Variants in MRGPRX1 observed in about 807,000 individuals in gnomAD.
MRGPRX1 encodes MAS related GPR family member X1, also known as mas-related G protein-coupled receptor member X1.
For synonymous variants in MRGPRX1, 208 were observed against 170.4 expected (o/e 1.22, Z -1.72); for missense variants, 411 against 393.8 (o/e 1.04, Z -0.37).
chr11:18,938,235 T>C (rs1262568981), intron 1 of MRGPRX1, among the ~76,000 whole-genome samples: 1 of 151,482 alleles, frequency 6.6e-6, no homozygotes, highest in East Asian at 1.9e-4. Context: ...AAGAAATACC[T>C]GAGACTGGGA....
chr11:18,935,613 A>T (rs1737212619), intron 1 of MRGPRX1, among the ~76,000 whole-genome samples: 1 of 151,448 alleles, frequency 6.6e-6, no homozygotes, highest in South Asian at 2.1e-4. Context: ...TGCCTTTAAA[A>T]TAAGGACTCA....
rs1000605735 is a variant in MRGPRX1, at chr11:18,934,657, G to A, written c.128C>T (p.Thr43Ile). Residue 43 changes from threonine (T) to isoleucine (I), a missense_variant, in exon 2 of 2, where the codon ACA (threonine) becomes ATA (isoleucine). Transcript: ENST00000526914. ...GAGCCAGAGCACAACTGCGTTTCCT[G>A]TCAGCCCGACAAGGGAAACGATGCA... ...LTCIVSLVGL[T>I]GNAVVLWLLG... The A allele has an allele frequency of 4.3e-6, 7 of 1,610,740 alleles. No homozygotes were observed. The African/African-American group carries it at 8.0e-5, about 18-fold the overall frequency.
At chr11:18,936,033 G>C (rs1848838021) in intron 1 of MRGPRX1, among the ~76,000 whole-genome samples, 1 of 151,426 alleles carries the variant, frequency 6.6e-6, no homozygotes, top group Non-Finnish European at 1.5e-5. Context: ...GGTATTGTCT[G>C]TTTTAATTAT....
chr11:18,937,019 T>A (rs1262232147), intron 1 of MRGPRX1, among the ~76,000 whole-genome samples: 1 of 151,396 alleles, frequency 6.6e-6, no homozygotes, highest in African/African-American at 2.4e-5. Flanking sequence ...GCCCCAGTGT[T>A]CATTTTCCTG....
chr11:18,937,844 T>G (rs1848853017), intron 1 of MRGPRX1, among the ~76,000 whole-genome samples: 1 of 151,602 alleles, frequency 6.6e-6, no homozygotes, highest in African/African-American at 2.4e-5. Flanking sequence ...GCATTTTGGA[T>G]GAATGCAAAC....
At position 18,934,191 on chromosome 11, in the gene MRGPRX1, C is replaced by T. The variant is rs149612531; in HGVS notation, c.594G>A (p.Leu198=). ...GGGATCCACAGAGAATCCTGATCAG[C>T]AGGACCAGGCTGGACCCACAGAGAA... ...CVVLCGSSLV[L]LIRILCGSRK... The change falls in exon 2 of 2, where the codon CTG becomes CTA. Residue 198 remains leucine, a synonymous_variant. Coordinates refer to ENST00000526914, the MANE Select transcript of MRGPRX1 (RefSeq NM_001393578.1). The T allele has an allele frequency of 6.2e-7, 1 of 1,610,462 alleles. No individual in the cohort carries two copies. Among genetic ancestry groups the T allele is most frequent in the Non-Finnish European group, 8.5e-7 (1 of 1,178,104 alleles).
intron 1 of MRGPRX1, among the ~76,000 whole-genome samples, chr11:18,936,448 C>T (rs1434203407): frequency 2.6e-5 from 4 of 151,240 alleles, no homozygotes; most frequent in East Asian, 1.9e-4. Context: ...TCTGGAATCC[C>T]GAGAATGCAC....
Position 18,933,676 on chromosome 11 carries a change from A to T in MRGPRX1, c.*140T>A. ...GGGTGAAAACCGCAACTGTCAGGTT[A>T]GATAAACATCTATTTGAAGACCTTG... On this transcript the variant is annotated 3_prime_UTR_variant, in exon 2 of 2. Coordinates refer to ENST00000526914, the MANE Select transcript of MRGPRX1 (RefSeq NM_001393578.1). 1 of 1,400,122 alleles carries T rather than the reference A, an allele frequency of 7.1e-7. No individual in the cohort carries two copies. Among genetic ancestry groups the T allele is most frequent in the Non-Finnish European group, 9.6e-7 (1 of 1,036,400 alleles). 86.7% of individuals were successfully genotyped at this position (1,400,122 alleles called of 1,614,324 possible).
chr11:18,934,846 G>GATCT (rs1273311877), intron 1 of MRGPRX1, 37 bp from the exon 2 acceptor site: 25 of 1,504,984 alleles, frequency 1.7e-5, no homozygotes, highest in Non-Finnish European at 2.0e-5. Context: ...CCAGCTGTAT[G>GATCT]ATCTCTGATT....
rs572276394 is a variant in MRGPRX1 at position 18,937,198 on chromosome 11, T to G, written c.-26+2082A>C. On this transcript the variant is annotated intron_variant, in intron 1 of 1. Transcript: ENST00000526914. ...GGACCAATAGCAGGAGCAACGCATC[T>G]CCTTTCCTTATTTTTTTTCCATCAT... Among the ~76,000 whole-genome samples, 81 of 151,440 alleles carry G rather than the reference T, an allele frequency of 5.3e-4. 5 individuals are homozygous for G. Among genetic ancestry groups the G allele is most frequent in the African/African-American group, 1.8e-3 (75 of 41,376 alleles).
intron 1 of MRGPRX1, among the ~76,000 whole-genome samples, chr11:18,936,326 C>A (rs1341462161): frequency 1.3e-5 from 2 of 150,500 alleles, no homozygotes; most frequent in Non-Finnish European, 1.5e-5. Flanking sequence ...CCTAAACCAA[C>A]TTCAGATAGA....
chr11:18,935,960 A>C (rs1361591632), intron 1 of MRGPRX1, among the ~76,000 whole-genome samples: 7 of 151,526 alleles, frequency 4.6e-5, no homozygotes, highest in African/African-American at 1.7e-4. Context: ...TGTAGATTTC[A>C]ACTGGAGAAT....
chr11:18,934,656 T>A lies in MRGPRX1; in HGVS notation c.129A>T (p.Thr43=). ...GGAGCCAGAGCACAACTGCGTTTCC[T>A]GTCAGCCCGACAAGGGAAACGATGC... The part of the protein sequence containing the change: ...LTCIVSLVGL[T]GNAVVLWLLG... The change falls in exon 2 of 2, where the codon ACA becomes ACT. Residue 43 remains threonine (T), a synonymous_variant. Transcript: ENST00000526914. The A allele has an allele frequency of 6.2e-7, 1 of 1,610,826 alleles. No homozygotes were observed. The highest frequency in any genetic ancestry group is 8.5e-7 in the Non-Finnish European group (1 of 1,178,172).
chr11:18,938,631 G>A (rs1480027711), intron 1 of MRGPRX1, among the ~76,000 whole-genome samples: 1 of 151,466 alleles, frequency 6.6e-6, no homozygotes, highest in African/African-American at 2.4e-5. Context: ...GCTGTGTGTT[G>A]GCCGTGCAAG....
In MRGPRX1 at chr11:18,936,814, A is replaced by G. The variant is rs1848844788; in HGVS notation, c.-25-2005T>C. 2.6e-5 allele frequency among the ~76,000 whole-genome samples: 4 copies of G among 151,452 alleles called. No homozygotes were observed. In the Admixed American group the frequency reaches 2.6e-4, roughly 10 times the overall value. On this transcript the variant is annotated intron_variant, in intron 1 of 1. Coordinates refer to ENST00000526914, the MANE Select transcript of MRGPRX1 (RefSeq NM_001393578.1). ...CTTAATATAACATAAGATGAAGCCGAGGCCTAGAGAATTAAAGTGTTTTCA... is the reference window on the plus strand; with the variant it reads ...CTTAATATAACATAAGATGAAGCCGGGGCCTAGAGAATTAAAGTGTTTTCA...
chr11:18,937,510 A>C (rs1016056126), intron 1 of MRGPRX1, among the ~76,000 whole-genome samples: 1 of 151,542 alleles, frequency 6.6e-6, no homozygotes, highest in Non-Finnish European at 1.5e-5. Context: ...GATACATTAA[A>C]TCACTTCTAA....
chr11:18,937,890 C>A (rs1300658476), intron 1 of MRGPRX1, among the ~76,000 whole-genome samples: 2 of 151,510 alleles, frequency 1.3e-5, no homozygotes, highest in Non-Finnish European at 1.5e-5. Flanking sequence ...GAAAGACATG[C>A]CGAACATTAA....
intron 1 of MRGPRX1, among the ~76,000 whole-genome samples, chr11:18,937,701 C>G (rs1848851889): frequency 6.6e-6 from 1 of 151,478 alleles, no homozygotes; most frequent in Admixed American, 6.6e-5. Context: ...GATTCAGGAC[C>G]TAGTGACCCA....
At position 18,934,747 on chromosome 11, in the gene MRGPRX1, G is replaced by A. The variant is rs143661293; in HGVS notation, c.38C>T (p.Thr13Ile). The A allele has an allele frequency of 3.1e-6, 5 of 1,598,280 alleles. No individual in the cohort carries two copies. In the African/African-American group the frequency reaches 5.4e-5, roughly 17 times the overall value. Residue 13 changes from threonine (T) to isoleucine (I), a missense_variant, in exon 2 of 2, where the codon ACA (threonine) becomes ATA (isoleucine). Coordinates refer to ENST00000526914, the MANE Select transcript of MRGPRX1 (RefSeq NM_001393578.1). ...PTISTLDTEL[T>I]PINGTEETLC... ...AGTCTCCTCAGTTCCGTTGATTGGT[G>A]TCAGTTCTGTGTCCAAGGTTGAGAT...
Sources: gnomAD v4.1 joint callset for allele counts (sites outside exome capture counted in the v4.1 genomes callset) on GRCh38, gnomAD v4.1.1 for gene constraint, MANE v1.5 for transcripts, NCBI Gene and HGNC (gene_info 2026-07-23, HGNC 2026-07-21) for gene names.